Variants in RYR3 observed in about 807,000 individuals in gnomAD.
The protein encoded by RYR3 is ryanodine receptor 3, also known as brain ryanodine receptor-calcium release channel.
Under a neutral mutation model 584.3 loss-of-function variants are expected in RYR3, and 207 were observed. That is an observed-to-expected ratio of 0.35 (90% CI 0.32 to 0.40). RYR3 has a LOEUF of 0.40. Among genes scored for constraint, RYR3 ranks in the 10% least tolerant of loss-of-function variants. The probability of loss-of-function intolerance (pLI) is 1.00; values close to 1 mark genes in which losing one functional copy is unlikely to be tolerated. For synonymous variants in RYR3, 2,416 were observed against 2,248.5 expected, an observed-to-expected ratio of 1.07 and a Z score of -2.11; for missense variants, 5,616 against 6,089.2, an observed-to-expected ratio of 0.92 and a Z score of 2.59.
At chr15:33,372,657 G>A (rs1490277946) in intron 1 of RYR3, among the ~76,000 whole-genome samples, 1 of 152,008 alleles carries the variant, frequency 6.6e-6, no homozygotes, top group African/African-American at 2.4e-5. Context: ...GAGCCACCAC[G>A]CCCGGCCCCA....
chr15:33,786,028 A>G (rs774941102), intron 66 of RYR3, 46 bp downstream of exon 66: 2 of 1,416,928 alleles, frequency 1.4e-6, no homozygotes, highest in Admixed American at 4.7e-5. Flanking sequence ...GGCCAAGATA[A>G]CTGGATTCTT....
intron 47 of RYR3, among the ~76,000 whole-genome samples, chr15:33,729,306 T>A (rs1038685883): frequency 8.5e-5 from 13 of 152,106 alleles, no homozygotes; most frequent in African/African-American, 2.9e-4. Context: ...TTGTAGAACG[T>A]GTAGCAACAT....
chr15:33,334,856 A>C (rs1414342043), intron 1 of RYR3, among the ~76,000 whole-genome samples: 1 of 152,180 alleles, frequency 6.6e-6, no homozygotes, highest in East Asian at 1.9e-4. Flanking sequence ...CCCATTAAAC[A>C]GTGGGCAAAG....
chr15:33,312,377 TG>T (rs5811752), intron 1 of RYR3, among the ~76,000 whole-genome samples: 105,847 of 151,784 alleles, frequency 0.7, 37,674 homozygotes, highest in African/African-American at 0.84. Context: ...GGGTCTTATT[TG>T]GGGGGGGTAT....
intron 16 of RYR3, among the ~76,000 whole-genome samples, chr15:33,590,588 T>G (rs2059081147): frequency 6.6e-6 from 1 of 151,992 alleles, no homozygotes; most frequent in South Asian, 2.1e-4. Context: ...CATCAGTGTT[T>G]CGTAATTTTT....
intron 42 of RYR3, among the ~76,000 whole-genome samples, chr15:33,704,228 C>G (rs1488134016): frequency 6.7e-6 from 1 of 149,636 alleles, no homozygotes; most frequent in African/African-American, 2.5e-5. Context: ...GAGCCGAGAT[C>G]ATGCCACTGC....
intron 1 of RYR3, among the ~76,000 whole-genome samples, chr15:33,386,884 G>A (rs1595927553): frequency 6.6e-6 from 1 of 151,890 alleles, no homozygotes; most frequent in Admixed American, 6.6e-5. Context: ...TTGAGACAGA[G>A]TCTTGCTCTG....
intron 2 of RYR3, among the ~76,000 whole-genome samples, chr15:33,479,196 A>G (rs1300040752): frequency 1.3e-5 from 2 of 152,214 alleles, no homozygotes; most frequent in African/African-American, 4.8e-5. Flanking sequence ...TGTAGATGAC[A>G]TAAATTAAGA....
At chr15:33,817,052 G>T in intron 75 of RYR3, 94 bp downstream of exon 75, 1 of 761,262 alleles carries the variant, frequency 1.3e-6, no homozygotes, top group Non-Finnish European at 2.2e-6. Context: ...CATTCACAAG[G>T]AATCGTGTGT....
intron 60 of RYR3, 104 bp downstream of exon 60, chr15:33,757,700 G>A: frequency 1.5e-6 from 2 of 1,294,428 alleles, no homozygotes; most frequent in Non-Finnish European, 2.1e-6. Context: ...AATGAAACTG[G>A]ATGATGTTTT....
intron 76 of RYR3, among the ~76,000 whole-genome samples, 157 bp downstream of exon 76, chr15:33,818,841 G>C (rs773439422): frequency 7.9e-5 from 12 of 152,298 alleles, no homozygotes; most frequent in Middle Eastern, 3.4e-3. Context: ...TATGTCTAGG[G>C]AGCCAGGCGT....
At chr15:33,475,077 A>G (rs1432800197) in intron 2 of RYR3, among the ~76,000 whole-genome samples, 1 of 151,428 alleles carries the variant, frequency 6.6e-6, no homozygotes, top group Non-Finnish European at 1.5e-5. Flanking sequence ...TTTGTTTTTC[A>G]TTCCCGGCAG....
intron 10 of RYR3, among the ~76,000 whole-genome samples, chr15:33,558,823 C>G (rs1204043088): frequency 6.6e-6 from 1 of 152,242 alleles, no homozygotes; most frequent in Admixed American, 6.5e-5. Context: ...ACTTGTTACT[C>G]ACAGTTCCCA....
intron 12 of RYR3, among the ~76,000 whole-genome samples, chr15:33,569,033 T>TGC (rs1378552849): frequency 1.3e-5 from 2 of 152,262 alleles, no homozygotes; most frequent in African/African-American, 2.4e-5. Flanking sequence ...TGTGTGTGTG[T>TGC]GCGTGTATGT....
chr15:33,440,640 C>T (rs2046141024), intron 1 of RYR3, among the ~76,000 whole-genome samples: 2 of 152,166 alleles, frequency 1.3e-5, no homozygotes, highest in Non-Finnish European at 1.5e-5. Flanking sequence ...CCTACATTAT[C>T]AAAGTGATTC....
At chr15:33,796,854 C>T (rs938981375) in intron 67 of RYR3, among the ~76,000 whole-genome samples, 3 of 152,168 alleles carry the variant, frequency 2.0e-5, no homozygotes, top group African/African-American at 7.2e-5. Context: ...TCAACCCAAG[C>T]ATCTATCAAT....
In RYR3 at chr15:33,477,948, A is replaced by G. The variant is rs193156012; in HGVS notation, c.171+4410A>G. On this transcript the variant is annotated intron_variant, in intron 2 of 103. Transcript: ENST00000634891. Reference sequence around the variant, plus strand: ...CAGAGACTCAGAAAAAAGAGAGAGGAAATGTTTCTTTTTCATTTTATCGAT... The same window carrying G: ...CAGAGACTCAGAAAAAAGAGAGAGGGAATGTTTCTTTTTCATTTTATCGAT... Among the ~76,000 whole-genome samples the G allele has an allele frequency of 3.2e-4, 49 of 151,472 alleles. 1 individual carries two copies. Among genetic ancestry groups the G allele is most frequent in the African/African-American group, 1.2e-3 (48 of 41,138 alleles).
At chr15:33,313,710 G>T (rs1413254516) in intron 1 of RYR3, among the ~76,000 whole-genome samples, 1 of 152,140 alleles carries the variant, frequency 6.6e-6, no homozygotes, top group African/African-American at 2.4e-5. Flanking sequence ...CATCGACATG[G>T]TCCTGGATGA....
intron 75 of RYR3, among the ~76,000 whole-genome samples, chr15:33,817,558 T>A (rs368897350): frequency 9.9e-4 from 151 of 152,326 alleles, no homozygotes; most frequent in African/African-American, 3.5e-3. Context: ...ACGAACCTTT[T>A]TCTCTTACCA....
Sources: gnomAD v4.1 joint callset for allele counts (sites outside exome capture counted in the v4.1 genomes callset) on GRCh38, gnomAD v4.1.1 for gene constraint, MANE v1.5 for transcripts, NCBI Gene and HGNC (gene_info 2026-07-23, HGNC 2026-07-21) for gene names.